The following POLD3 variants were observed in gnomAD, a reference collection of about 807,000 sequenced individuals.
The protein encoded by POLD3 is DNA polymerase delta subunit 3.
POLD3 carries 19 observed loss-of-function variants against 58.2 expected under a neutral mutation model. The ratio of observed to expected loss-of-function variants is 0.33; its 90% CI spans 0.23 to 0.48. The LOEUF (loss-of-function observed/expected upper bound fraction) is 0.48. Among genes scored for constraint, POLD3 ranks in the 20% least tolerant of loss-of-function variants. The pLI, the probability that POLD3 is intolerant of heterozygous loss-of-function variation, is 0.99. For synonymous variants in POLD3, 172 were observed against 193.5 expected (o/e 0.89, Z 0.92); for missense variants, 504 against 545.5 (o/e 0.92, Z 0.76).
At chr11:74,610,048 G>A (rs879838088) in intron 3 of POLD3, among the ~76,000 whole-genome samples, 8 of 152,150 alleles carry the variant, frequency 5.3e-5, no homozygotes, top group Non-Finnish European at 1.0e-4. Flanking sequence ...AAGGGTGAGT[G>A]CATGTGTACT....
chr11:74,613,807 ACAGG>A (rs955396584), intron 5 of POLD3, among the ~76,000 whole-genome samples: 1 of 152,208 alleles, frequency 6.6e-6, no homozygotes, highest in African/African-American at 2.4e-5. Flanking sequence ...CTGATGGGAG[ACAGG>A]CAGTTATGGT....
intron 8 of POLD3, among the ~76,000 whole-genome samples, chr11:74,628,118 C>G (rs2032483915): frequency 6.6e-6 from 1 of 152,020 alleles, no homozygotes; most frequent in South Asian, 2.1e-4. Context: ...AAAATTTGAT[C>G]TAAATTGTTG....
chr11:74,630,890 G>A (rs2032571506), intron 9 of POLD3, among the ~76,000 whole-genome samples: 1 of 152,138 alleles, frequency 6.6e-6, no homozygotes. Flanking sequence ...CTGATCTGTA[G>A]CCTACAAAAA....
chr11:74,641,838 G>A lies in POLD3; in HGVS notation c.*1072G>A. ...TTGCTTAAAAGTACAGGCTCCCTAA[G>A]AGAGGATGGAGAGGGAGAGACTGAA... On this transcript the variant is annotated 3_prime_UTR_variant, in exon 12 of 12. Transcript: ENST00000263681. The A allele has an allele frequency of 1.0e-6, 1 of 985,272 alleles. No homozygotes were observed. The highest frequency in any genetic ancestry group is 1.2e-6 in the Non-Finnish European group (1 of 829,788). The allele number at this position is 985,272 out of a possible 1,614,324, so 61.0% of individuals were successfully genotyped here. A position where few individuals can be genotyped will look rare whatever the true frequency, so the allele number is the denominator to read the frequency against.
chr11:74,655,469 A>G (rs6592581), intron 4 of POLD3, among the ~76,000 whole-genome samples: 124,545 of 152,212 alleles, frequency 0.82, 51,139 homozygotes, highest in Middle Eastern at 0.94. Flanking sequence ...TCAGAGAAAC[A>G]GGAACATGTA....
intron 9 of POLD3, 47 bp downstream of exon 9, chr11:74,629,370 C>A: frequency 9.2e-7 from 1 of 1,083,468 alleles, no homozygotes; most frequent in South Asian, 1.4e-5. Context: ...ATTTTACTTT[C>A]AATGTTCAAG....
At chr11:74,668,240 G>A (rs2033296545) in intron 4 of POLD3, among the ~76,000 whole-genome samples, 1 of 152,170 alleles carries the variant, frequency 6.6e-6, no homozygotes, top group African/African-American at 2.4e-5. Context: ...CCCAAAAGCA[G>A]TAAAACATAC....
At chr11:74,602,881 C>T (rs899840148) in intron 2 of POLD3, among the ~76,000 whole-genome samples, 1 of 152,234 alleles carries the variant, frequency 6.6e-6, no homozygotes, top group Non-Finnish European at 1.5e-5. Flanking sequence ...GCTGGACTCT[C>T]TGCCTAGAAC....
rs1340353961 is a variant in POLD3 at position 74,629,341 on chromosome 11, T to G, written c.1006+18T>G. 17 of 1,456,384 alleles carry G rather than the reference T, an allele frequency of 1.2e-5. No homozygotes were observed. Among genetic ancestry groups the G allele is most frequent in the Non-Finnish European group, 1.6e-5 (17 of 1,045,984 alleles). The allele number at this position is 1,456,384 out of a possible 1,614,324, so 90.2% of individuals were successfully genotyped here. A position where few individuals can be genotyped will look rare whatever the true frequency, so the allele number is the denominator to read the frequency against. ...AGATGAAGGTGGGCATTACCATTCA[T>G]TTTGGGTTAGGGGGATCAATTTTAC... On this transcript the variant is annotated intron_variant, in intron 9 of 11. Coordinates refer to ENST00000263681, the MANE Select transcript of POLD3 (RefSeq NM_006591.3).
At position 74,638,810 on chromosome 11, in the gene POLD3, A is replaced by G. The variant is rs546431580; in HGVS notation, c.1199-1754A>G. On this transcript the variant is annotated intron_variant, in intron 11 of 11. Transcript: ENST00000263681. The stretch of plus-strand genomic sequence containing the variant: ...GGCCAGGAGTGGGAACTGAGAGTGC[A>G]TTCCTAATAAGCTCATGGGAGATTC... The G allele has an allele frequency of 5.2e-4, 209 of 405,744 alleles. 3 individuals are homozygous for G. Among genetic ancestry groups the G allele is most frequent in the South Asian group, 3.8e-3 (205 of 54,610 alleles). The allele number at this position is 405,744 out of a possible 1,614,324, so 25.1% of individuals were successfully genotyped here. A position where few individuals can be genotyped will look rare whatever the true frequency, so the allele number is the denominator to read the frequency against.
chr11:74,600,345 G>A (rs540862822), intron 2 of POLD3, among the ~76,000 whole-genome samples: 1 of 152,272 alleles, frequency 6.6e-6, no homozygotes, highest in Non-Finnish European at 1.5e-5. Context: ...AGCACTTTGG[G>A]AGGCCGAGGA....
chr11:74,636,189 C>G lies in POLD3; in HGVS notation c.1120-8C>G. 6.2e-7 allele frequency: 1 copy of G among 1,607,498 alleles called. No individual in the cohort carries two copies. On this transcript the variant is annotated splice_region_variant and splice_polypyrimidine_tract_variant and intron_variant, in intron 10 of 11. Transcript: ENST00000263681. ...TCCAGCTTAACATTGTATCCTCTGA[C>G]CTTTTAGAGCTCAAGTGGAGAAAAC...
chr11:74,655,017 G>C (rs952503158), intron 4 of POLD3, among the ~76,000 whole-genome samples: 2 of 152,220 alleles, frequency 1.3e-5, no homozygotes, highest in African/African-American at 4.8e-5. Context: ...CATACACCTG[G>C]TAGAACTTGA....
chr11:74,595,764 C>T (rs1415538063), intron 2 of POLD3, among the ~76,000 whole-genome samples: 5 of 152,076 alleles, frequency 3.3e-5, no homozygotes, highest in South Asian at 2.1e-4. Context: ...ACTACAGGTG[C>T]GTGCCACCAC....
At chr11:74,637,413 G>GTTTT (rs541119365) in intron 11 of POLD3, among the ~76,000 whole-genome samples, 3 of 120,488 alleles carry the variant, frequency 2.5e-5, no homozygotes, top group Admixed American at 8.5e-5. Flanking sequence ...CTTTGAATGG[G>GTTTT]TTTTTTTTTT....
At chr11:74,634,731 T>A (rs536287449) in intron 10 of POLD3, 36 bp downstream of exon 10, 39 of 1,178,792 alleles carry the variant, frequency 3.3e-5, no homozygotes, top group Non-Finnish European at 5.0e-5. Context: ...TGTCCATGCA[T>A]CCTTTGTGTC....
Position 74,643,052 on chromosome 11 carries a change from A to G in POLD3, c.*2286A>G. ...TCTTTATCAAAATAAAACTAAAATG[A>G]GTTACCAAGGGTGTCAAGACTAAAG... On this transcript the variant is annotated 3_prime_UTR_variant, in exon 12 of 12. Transcript: ENST00000263681. 2.0e-6 allele frequency: 1 copy of G among 506,490 alleles called. No homozygotes were observed. The highest frequency in any genetic ancestry group is 8.5e-5 in the South Asian group (1 of 11,776). The allele number at this position is 506,490 out of a possible 1,614,324, so 31.4% of individuals were successfully genotyped here.
chr11:74,627,677 C>T (rs1429911508), intron 8 of POLD3, among the ~76,000 whole-genome samples: 1 of 152,080 alleles, frequency 6.6e-6, no homozygotes. Context: ...AGTATTTTTA[C>T]TGTATCTTTT....
chr11:74,666,484 G>C lies in POLD3; in HGVS notation c.370-2293G>C, dbSNP rs192849055. Among the ~76,000 whole-genome samples, 17 of 152,240 alleles carry C rather than the reference G, an allele frequency of 1.1e-4. No homozygotes were observed. The East Asian group carries it at 2.5e-3, about 22-fold the overall frequency. ...AAAAATACAAAAATTAGCTGTGTGT[G>C]GTGGCGGGCGCCTGTAATCCCAGGT... On this transcript the variant is annotated intron_variant, in intron 4 of 4. Transcript: ENST00000524752.
Sources: gnomAD v4.1 joint callset for allele counts (sites outside exome capture counted in the v4.1 genomes callset) on GRCh38, gnomAD v4.1.1 for gene constraint, MANE v1.5 for transcripts, NCBI Gene and HGNC (gene_info 2026-07-23, HGNC 2026-07-21) for gene names.